Variants in TRAP1 observed in about 807,000 individuals in gnomAD.
The protein encoded by TRAP1 is heat shock protein 75 kDa, mitochondrial.
TRAP1 carries 102 observed loss-of-function variants against 89.1 expected under a neutral mutation model. The ratio of observed to expected loss-of-function variants is 1.15; its 90% CI spans 0.98 to 1.35. TRAP1 has a LOEUF of 1.35. Ranked by LOEUF, TRAP1 falls within the 40% of genes most tolerant of loss-of-function variation. The pLI, the probability that TRAP1 is intolerant of heterozygous loss-of-function variation, is 0.00. For missense variants in TRAP1, 1,256 were observed against 945.3 expected, an observed-to-expected ratio of 1.33 and a Z score of -4.31; for synonymous variants, 508 against 388.0, an observed-to-expected ratio of 1.31 and a Z score of -3.64.
At chr16:3,662,214 AC>A in intron 15 of TRAP1, 82 bp from the exon 16 acceptor site, 1 of 1,521,908 alleles carries the variant, frequency 6.6e-7, no homozygotes, top group South Asian at 1.3e-5. Context: ...GGTGAAGGTC[AC>A]CCAGACCACG....
Position 3,717,405 on chromosome 16 carries a change from G to C in TRAP1, c.88+16C>G. 9.0e-7 allele frequency: 1 copy of C among 1,106,722 alleles called. No homozygotes were observed. The highest frequency in any genetic ancestry group is 3.4e-5 in the East Asian group (1 of 29,814). 68.6% of individuals were successfully genotyped at this position (1,106,722 alleles called of 1,614,324 possible). Reference sequence around the variant, plus strand: ...GCCCGGCCCGCCCGCTGCCCGTCCAGCCAGGACGCCCTCACCTCCCGGCAC... The same window carrying C: ...GCCCGGCCCGCCCGCTGCCCGTCCACCCAGGACGCCCTCACCTCCCGGCAC... On this transcript the variant is annotated intron_variant, in intron 1 of 17. Transcript: ENST00000246957.
At chr16:3,690,373 T>A (rs992953942) in intron 2 of TRAP1, among the ~76,000 whole-genome samples, 6 of 152,070 alleles carry the variant, frequency 3.9e-5, no homozygotes, top group Non-Finnish European at 7.4e-5. Context: ...AAACCTCACT[T>A]CTCTTTTTAA....
chr16:3,704,643 A>C (rs1220022376), intron 1 of TRAP1, among the ~76,000 whole-genome samples: 3 of 151,860 alleles, frequency 2.0e-5, no homozygotes, highest in Non-Finnish European at 2.9e-5. Flanking sequence ...CCTCGAGCTC[A>C]GGAGCTCGAG....
intron 3 of TRAP1, among the ~76,000 whole-genome samples, chr16:3,686,509 G>T (rs1284375677): frequency 7.9e-5 from 12 of 152,122 alleles, no homozygotes; most frequent in Non-Finnish European, 1.2e-4. Context: ...TAGACACAGG[G>T]TCTCGCTATG....
At chr16:3,709,008 G>A (rs1258686015) in intron 1 of TRAP1, among the ~76,000 whole-genome samples, 3 of 151,652 alleles carry the variant, frequency 2.0e-5, no homozygotes, top group Non-Finnish European at 2.9e-5. Context: ...GTAGAGATGG[G>A]GTTTCACCGT....
At position 3,689,086 on chromosome 16, in the gene TRAP1, A is replaced by G; in HGVS notation, c.299T>C (p.Ile100Thr). The G allele has an allele frequency of 6.2e-7, 1 of 1,614,036 alleles. No homozygotes were observed. The highest frequency in any genetic ancestry group is 8.5e-7 in the Non-Finnish European group (1 of 1,179,978). The change falls in exon 3 of 18, where the codon ATT becomes ACT. Residue 100 changes from isoleucine (I) to threonine (T), a missense_variant. Coordinates refer to ENST00000246957, the MANE Select transcript of TRAP1 (RefSeq NM_016292.3). ...TTCTGAGTACAGGGACCGGGCAACA[A>G]TGTCCAAAAGCTTCTTTGTCTCGGC... ...FQAETKKLLD[I>T]VARSLYSEKE...
chr16:3,685,595 A>G (rs537195170), intron 4 of TRAP1, among the ~76,000 whole-genome samples: 10 of 152,242 alleles, frequency 6.6e-5, no homozygotes, highest in African/African-American at 2.4e-4. Flanking sequence ...TTCAGCCTTA[A>G]AATTTCCACA....
chr16:3,688,030 G>C (rs1161010914), intron 3 of TRAP1, among the ~76,000 whole-genome samples: 2 of 152,104 alleles, frequency 1.3e-5, no homozygotes, highest in African/African-American at 4.8e-5. Context: ...GCTCCTAGAA[G>C]GCCCTCTGAG....
intron 1 of TRAP1, among the ~76,000 whole-genome samples, chr16:3,697,449 G>C (rs577952852): frequency 6.6e-6 from 1 of 152,034 alleles, no homozygotes; most frequent in East Asian, 1.9e-4. Context: ...AGGATCACGA[G>C]GTCAGGAGAT....
chr16:3,662,577 C>T (rs2151239816), intron 15 of TRAP1: 2 of 604,818 alleles, frequency 3.3e-6, no homozygotes, highest in Non-Finnish European at 6.2e-6. Context: ...GCTGGGGTAG[C>T]ATGTCCCTTG....
At chr16:3,688,912 G>T in intron 3 of TRAP1, 143 bp downstream of exon 3, 1 of 636,302 alleles carries the variant, frequency 1.6e-6, no homozygotes. Flanking sequence ...TCCTCTCACT[G>T]GTAGCTTAAG....
At chr16:3,717,012 C>G (rs1044556949) in intron 1 of TRAP1, among the ~76,000 whole-genome samples, 4 of 152,264 alleles carry the variant, frequency 2.6e-5, no homozygotes, top group African/African-American at 9.6e-5. Context: ...AAGCACGATC[C>G]ATGGAACTAG....
At chr16:3,658,910 C>T in intron 16 of TRAP1, 45 bp from the exon 17 acceptor site, 1 of 1,590,242 alleles carries the variant, frequency 6.3e-7, no homozygotes, top group Non-Finnish European at 8.6e-7. Flanking sequence ...GTACCACGTG[C>T]TGTGACCCTC....
In TRAP1 at chr16:3,674,435, G is replaced by A. The variant is rs1399929387; in HGVS notation, c.948C>T (p.Arg316=). 2 of 1,614,120 alleles carry A rather than the reference G, an allele frequency of 1.2e-6. No individual in the cohort carries two copies. Among genetic ancestry groups the A allele is most frequent in the South Asian group, 2.2e-5 (2 of 91,086 alleles). The change falls in exon 9 of 18, where the codon CGC becomes CGT. Residue 316 remains arginine, a synonymous_variant. Coordinates refer to ENST00000246957, the MANE Select transcript of TRAP1 (RefSeq NM_016292.3). The part of the protein sequence containing the change: ...VREWQHEEFY[R]YVAQAHDKPR... Reference sequence around the variant, plus strand: ...GCTTGTCGTGAGCCTGCGCGACGTAGCGGTAGAACTCCTCATGTTGCCACT... The same window carrying A: ...GCTTGTCGTGAGCCTGCGCGACGTAACGGTAGAACTCCTCATGTTGCCACT...
At chr16:3,658,520 T>TAAAATACAA (rs2042858132) in intron 17 of TRAP1, 1 of 568,228 alleles carries the variant, frequency 1.8e-6, no homozygotes, top group African/African-American at 1.9e-5. Flanking sequence ...CCATCTCTAC[T>TAAAATACAA]AAAATACAAA....
intron 1 of TRAP1, among the ~76,000 whole-genome samples, chr16:3,694,561 C>T (rs1181260597): frequency 1.3e-5 from 2 of 152,168 alleles, no homozygotes; most frequent in Non-Finnish European, 2.9e-5. Flanking sequence ...TGGTCTCCAA[C>T]TCCTGACCTC....
At chr16:3,715,701 A>G (rs1018353768) in intron 1 of TRAP1, among the ~76,000 whole-genome samples, 1 of 152,088 alleles carries the variant, frequency 6.6e-6, no homozygotes, top group Admixed American at 6.6e-5. Context: ...CAATCCCAGC[A>G]TTTTGGAGGG....
At chr16:3,663,260 A>C in intron 14 of TRAP1, 164 bp downstream of exon 14, 1 of 890,950 alleles carries the variant, frequency 1.1e-6, no homozygotes. Flanking sequence ...CTAAACCAGG[A>C]GGCACCTTCC....
chr16:3,668,760 C>T (rs1338106831), intron 11 of TRAP1, among the ~76,000 whole-genome samples: 1 of 152,216 alleles, frequency 6.6e-6, no homozygotes, highest in East Asian at 1.9e-4. Context: ...CCTTACTGAG[C>T]AGGACCACCC....
Sources: gnomAD v4.1 joint callset for allele counts (sites outside exome capture counted in the v4.1 genomes callset) on GRCh38, gnomAD v4.1.1 for gene constraint, MANE v1.5 for transcripts, NCBI Gene and HGNC (gene_info 2026-07-23, HGNC 2026-07-21) for gene names.